Variants in PIGL observed in about 807,000 individuals in gnomAD.
The protein encoded by PIGL is N-acetylglucosaminyl-phosphatidylinositol de-N-acetylase.
PIGL carries 22 observed loss-of-function variants against 31.1 expected under a neutral mutation model. That is an observed-to-expected ratio of 0.71 (90% CI 0.51 to 1.01). PIGL has a LOEUF of 1.01. Ranked by LOEUF, PIGL falls within the 50% of genes least tolerant of loss-of-function variation. The pLI is 0.00. For synonymous variants in PIGL, 131 were observed against 117.4 expected (o/e 1.12, Z -0.75); for missense variants, 302 against 315.9 (o/e 0.96, Z 0.33).
Position 16,217,614 on chromosome 17 carries a change from A to G in PIGL, c.235+153A>G, listed in dbSNP as rs972506231. 1.5e-5 allele frequency: 9 copies of G among 599,010 alleles called. No homozygotes were observed. In the African/African-American group the frequency reaches 1.7e-4, roughly 11 times the overall value. The allele number at this position is 599,010 out of a possible 1,614,324, so 37.1% of individuals were successfully genotyped here. On this transcript the variant is annotated intron_variant, in intron 1 of 6. Coordinates refer to ENST00000225609, the MANE Select transcript of PIGL (RefSeq NM_004278.4). ...TCTGAACCCCTCACAGCCTAGGGACAGGAGCGGCCGGCTTACCTGGTGGGT... is the reference window on the plus strand; with the variant it reads ...TCTGAACCCCTCACAGCCTAGGGACGGGAGCGGCCGGCTTACCTGGTGGGT...
At chr17:16,316,876 T>C (rs2093079993) in intron 5 of PIGL, 164 bp downstream of exon 5, 20 of 1,406,638 alleles carry the variant, frequency 1.4e-5, no homozygotes, top group Non-Finnish European at 1.9e-5. Flanking sequence ...ACCTGGCAGG[T>C]TGTATCTACC....
intron 2 of PIGL, among the ~76,000 whole-genome samples, chr17:16,260,746 C>G (rs924002163): frequency 4.6e-5 from 7 of 152,140 alleles, no homozygotes; most frequent in African/African-American, 1.7e-4. Context: ...CTCTATCTTG[C>G]TCACCCTCTA....
chr17:16,245,769 T>TAC (rs1425441076), intron 2 of PIGL, among the ~76,000 whole-genome samples: 45 of 148,830 alleles, frequency 3.0e-4, no homozygotes, highest in African/African-American at 1.0e-3. Context: ...TATATATACA[T>TAC]ACACACACAC....
intron 2 of PIGL, among the ~76,000 whole-genome samples, chr17:16,262,272 G>C (rs1191802236): frequency 2.0e-5 from 3 of 152,128 alleles, no homozygotes; most frequent in African/African-American, 4.8e-5. Context: ...ACTTGAGTAG[G>C]CATTTCTCCA....
chr17:16,239,761 T>A (rs1343908038), intron 2 of PIGL, among the ~76,000 whole-genome samples: 2 of 151,752 alleles, frequency 1.3e-5, no homozygotes, highest in Admixed American at 1.3e-4. Context: ...TAGCAGCAAC[T>A]GAGATGGAGA....
chr17:16,300,321 C>T (rs2092999081), intron 3 of PIGL: 1 of 218,316 alleles, frequency 4.6e-6, no homozygotes, highest in African/African-American at 2.3e-5. Flanking sequence ...CAGTGATTCT[C>T]ATTTATACAG....
chr17:16,217,630 C>CACGA, intron 1 of PIGL, 169 bp downstream of exon 1: 1 of 540,662 alleles, frequency 1.8e-6, no homozygotes, highest in Non-Finnish European at 3.2e-6. Flanking sequence ...GGCCGGCTTA[C>CACGA]CTGGTGGGTT....
chr17:16,295,243 A>C (rs963869159), intron 2 of PIGL, among the ~76,000 whole-genome samples: 7 of 151,714 alleles, frequency 4.6e-5, no homozygotes, highest in Non-Finnish European at 7.4e-5. Context: ...GTCTGTACTG[A>C]AAATACAAAA....
In PIGL at chr17:16,242,077, G is replaced by A. The variant is rs528012598; in HGVS notation, c.335+8007G>A. ...TGGGGTTTTTTTTTGTTTGTTTTTG[G>A]AGACAAGGTCTCTGCCATCAGGCTA... On this transcript the variant is annotated intron_variant, in intron 2 of 6. Coordinates refer to ENST00000225609, the MANE Select transcript of PIGL (RefSeq NM_004278.4). Among the ~76,000 whole-genome samples the A allele has an allele frequency of 4.7e-4, 72 of 151,708 alleles. 1 individual carries two copies. The highest frequency in any genetic ancestry group is 6.8e-4 in the Non-Finnish European group (46 of 67,950).
At chr17:16,217,699 G>T (rs1241934976) in intron 1 of PIGL, 1 of 534,002 alleles carries the variant, frequency 1.9e-6, no homozygotes, top group Non-Finnish European at 3.4e-6. Context: ...AGAAACAGTT[G>T]CAGTTGGTTG....
At chr17:16,230,431 G>T (rs893647020) in intron 1 of PIGL, among the ~76,000 whole-genome samples, 1 of 152,052 alleles carries the variant, frequency 6.6e-6, no homozygotes, top group African/African-American at 2.4e-5. Context: ...ATTTGATGTG[G>T]TTTCTGTTAC....
At chr17:16,248,719 C>T (rs1485172084) in intron 2 of PIGL, among the ~76,000 whole-genome samples, 1 of 152,192 alleles carries the variant, frequency 6.6e-6, no homozygotes, top group African/African-American at 2.4e-5. Context: ...CAACCTCTAC[C>T]CATTATCTAG....
chr17:16,313,104 A>G (rs1385659283), intron 3 of PIGL, among the ~76,000 whole-genome samples: 2 of 152,088 alleles, frequency 1.3e-5, no homozygotes, highest in African/African-American at 2.4e-5. Context: ...CATGAACTCA[A>G]CCCCAGGACA....
chr17:16,317,682 C>T, intron 5 of PIGL, 93 bp from the exon 6 acceptor site: 1 of 1,583,460 alleles, frequency 6.3e-7, no homozygotes, highest in Non-Finnish European at 8.6e-7. Flanking sequence ...TCCTGCCCTG[C>T]CCTGAGCCAC....
At position 16,238,173 on chromosome 17, in the gene PIGL, G is replaced by A. The variant is rs2092707426; in HGVS notation, c.335+4103G>A. Among the ~76,000 whole-genome samples the A allele has an allele frequency of 2.7e-5, 4 of 147,018 alleles. No individual in the cohort carries two copies. The Admixed American group carries it at 2.7e-4, about 10-fold the overall frequency. Reference sequence around the variant, plus strand: ...ATCGCGCCATTGCACTCCAGCCTGGGTGACAGGATGAGACTCCGTCTCAAA... The same window carrying A: ...ATCGCGCCATTGCACTCCAGCCTGGATGACAGGATGAGACTCCGTCTCAAA... On this transcript the variant is annotated intron_variant, in intron 2 of 6. Coordinates refer to ENST00000225609, the MANE Select transcript of PIGL (RefSeq NM_004278.4).
intron 2 of PIGL, among the ~76,000 whole-genome samples, chr17:16,290,232 G>A (rs1023289482): frequency 6.6e-5 from 10 of 150,828 alleles, no homozygotes; most frequent in Non-Finnish European, 8.9e-5. Context: ...ACAGGCATGC[G>A]CCACCACACC....
intron 2 of PIGL, among the ~76,000 whole-genome samples, chr17:16,236,869 G>A (rs1461657703): frequency 1.3e-5 from 2 of 149,910 alleles, no homozygotes; most frequent in East Asian, 2.0e-4. Flanking sequence ...ACGCCTGGCC[G>A]CTATAGTGTT....
At chr17:16,255,110 G>T (rs532190085) in intron 2 of PIGL, among the ~76,000 whole-genome samples, 1 of 152,078 alleles carries the variant, frequency 6.6e-6, no homozygotes, top group Non-Finnish European at 1.5e-5. Context: ...TTTTATTTAC[G>T]CAGAAATTGA....
chr17:16,316,107 CAT>C (rs1204563060), intron 4 of PIGL, among the ~76,000 whole-genome samples: 4 of 152,116 alleles, frequency 2.6e-5, no homozygotes, highest in Non-Finnish European at 5.9e-5. Flanking sequence ...AGTCTCTGTT[CAT>C]ATGTGTGTCT....
Sources: gnomAD v4.1 joint callset for allele counts (sites outside exome capture counted in the v4.1 genomes callset) on GRCh38, gnomAD v4.1.1 for gene constraint, MANE v1.5 for transcripts, NCBI Gene and HGNC (gene_info 2026-07-23, HGNC 2026-07-21) for gene names.